Variants in MTDH observed in about 807,000 individuals in gnomAD.
MTDH encodes the protein metadherin, also known as protein LYRIC.
A neutral mutation model predicts 72.7 loss-of-function variants in MTDH; 34 were observed. That is an observed-to-expected ratio of 0.47 (90% CI 0.36 to 0.62). The LOEUF (loss-of-function observed/expected upper bound fraction) is 0.62. Among genes scored for constraint, MTDH ranks in the 20% least tolerant of loss-of-function variants. MTDH has a pLI of 0.00. For missense variants in MTDH, 677 were observed against 699.4 expected (o/e 0.97, Z 0.36); for synonymous variants, 266 against 268.9 (o/e 0.99, Z 0.10).
chr8:97,715,354 T>A (rs1814820555), intron 9 of MTDH, among the ~76,000 whole-genome samples: 1 of 151,886 alleles, frequency 6.6e-6, no homozygotes, highest in Admixed American at 6.6e-5. Context: ...TCTCAAGTGA[T>A]CTGGCCTCGA....
At position 97,662,179 on chromosome 8, in the gene MTDH, C is replaced by T. The variant is rs974897424; in HGVS notation, c.483+1006C>T. On this transcript the variant is annotated intron_variant, in intron 2 of 11. Coordinates refer to ENST00000336273, the MANE Select transcript of MTDH (RefSeq NM_178812.4). ...TTTCATTCAGTTCCCTTTTGTGCAT[C>T]GAATTACCCTCCCTTTCCTTTTTTT... 2.0e-4 allele frequency among the ~76,000 whole-genome samples: 30 copies of T among 150,466 alleles called. 1 individual carries two copies. The highest frequency in any genetic ancestry group is 1.8e-3 in the Admixed American group (27 of 15,056).
At chr8:97,685,198 G>T (rs982838409) in intron 2 of MTDH, among the ~76,000 whole-genome samples, 1 of 151,394 alleles carries the variant, frequency 6.6e-6, no homozygotes, top group African/African-American at 2.4e-5. Context: ...TTTTTTAAGT[G>T]GATATGAGTC....
Position 97,675,294 on chromosome 8 carries a change from C to T in MTDH, c.484-11374C>T, listed in dbSNP as rs574201538. On this transcript the variant is annotated intron_variant, in intron 2 of 11. Transcript: ENST00000336273. ...TTACATTCAGGGCTGAGCACAGTGG[C>T]TCACACCTGTAATCCCAGCACTTTG... 3.9e-5 allele frequency among the ~76,000 whole-genome samples: 6 copies of T among 152,282 alleles called. No homozygotes were observed. The South Asian group carries it at 1.2e-3, about 32-fold the overall frequency.
intron 9 of MTDH, among the ~76,000 whole-genome samples, chr8:97,716,683 T>C (rs997928431): frequency 6.6e-6 from 1 of 151,866 alleles, no homozygotes; most frequent in Non-Finnish European, 1.5e-5. Flanking sequence ...AAAAAAATTA[T>C]ATTGTTTTTT....
At position 97,687,533 on chromosome 8, in the gene MTDH, G is replaced by A; in HGVS notation, c.673G>A (p.Glu225Lys). 1 of 1,613,476 alleles carries A rather than the reference G, an allele frequency of 6.2e-7. No individual in the cohort carries two copies. The highest frequency in any genetic ancestry group is 8.5e-7 in the Non-Finnish European group (1 of 1,179,702). The change falls in exon 4 of 12, where the codon GAA becomes AAA. Residue 225 changes from glutamate to lysine, a missense_variant. Transcript: ENST00000336273. ...GSLDSTIPGI[E>K]NTITVTTEQL... The stretch of plus-strand genomic sequence containing the variant: ...ATTGGATTCAACTATCCCTGGGATA[G>A]AAAATACCATCACAGTTACCACCGA...
At chr8:97,645,972 A>G (rs546276717) in intron 1 of MTDH, among the ~76,000 whole-genome samples, 1 of 152,330 alleles carries the variant, frequency 6.6e-6, no homozygotes, top group African/African-American at 2.4e-5. Flanking sequence ...TTTGGAGGGC[A>G]GTGCAAGGTA....
intron 2 of MTDH, among the ~76,000 whole-genome samples, chr8:97,665,202 G>A (rs998276520): frequency 3.9e-5 from 6 of 152,174 alleles, no homozygotes; most frequent in Admixed American, 3.3e-4. Context: ...GTACTCCTAA[G>A]CTGTGATATT....
chr8:97,692,943 A>G (rs1397030421), intron 6 of MTDH, among the ~76,000 whole-genome samples: 4 of 151,972 alleles, frequency 2.6e-5, no homozygotes, highest in African/African-American at 9.7e-5. Flanking sequence ...TGTTGGCCAC[A>G]CTGGTCTAGA....
At position 97,724,934 on chromosome 8, in the gene MTDH, A is replaced by G. The variant is rs2131096339; in HGVS notation, c.*264A>G. The G allele has an allele frequency of 3.8e-6, 1 of 264,998 alleles. No individual in the cohort carries two copies. The highest frequency in any genetic ancestry group is 2.3e-5 in the African/African-American group (1 of 44,432). The allele number at this position is 264,998 out of a possible 1,614,324, so 16.4% of individuals were successfully genotyped here. A position where few individuals can be genotyped will look rare whatever the true frequency, so the allele number is the denominator to read the frequency against. ...AGAACGATCTTAATTTAAGAATATT[A>G]TCCTGGTTTAACAACAGTGCCCTGT... is the stretch of plus-strand genomic sequence containing the variant. On this transcript the variant is annotated 3_prime_UTR_variant, in exon 12 of 12. Coordinates refer to ENST00000336273, the MANE Select transcript of MTDH (RefSeq NM_178812.4).
chr8:97,696,303 A>G (rs1243720717), intron 6 of MTDH: 1 of 983,786 alleles, frequency 1.0e-6, no homozygotes, highest in African/African-American at 1.7e-5. Context: ...GGTATGTGAA[A>G]AACAGTCTTT....
At position 97,719,041 on chromosome 8, in the gene MTDH, C is replaced by T. The variant is rs554103009; in HGVS notation, c.1381-8C>T. On this transcript the variant is annotated splice_polypyrimidine_tract_variant and splice_region_variant and intron_variant, in intron 9 of 11. Coordinates refer to ENST00000336273, the MANE Select transcript of MTDH (RefSeq NM_178812.4). ...TTATATAATCTAATAGGTTATTTTT[C>T]TCTATAGGACACAGAAGAATTAGAA... The T allele has an allele frequency of 6.3e-5, 100 of 1,579,642 alleles. No homozygotes were observed. In the South Asian group the frequency reaches 1.1e-3, roughly 17 times the overall value.
intron 6 of MTDH, among the ~76,000 whole-genome samples, chr8:97,693,189 C>T (rs1050154092): frequency 2.6e-5 from 4 of 152,094 alleles, no homozygotes; most frequent in Non-Finnish European, 5.9e-5. Context: ...GCCCATTTAT[C>T]ATATGCTTAC....
intron 2 of MTDH, among the ~76,000 whole-genome samples, chr8:97,682,782 G>T (rs1471626989): frequency 6.6e-6 from 1 of 150,774 alleles, no homozygotes; most frequent in African/African-American, 2.4e-5. Context: ...ATACTACTTT[G>T]TCGTTAACAG....
chr8:97,670,989 C>T (rs539024043), intron 2 of MTDH, among the ~76,000 whole-genome samples: 3 of 122,828 alleles, frequency 2.4e-5, no homozygotes, highest in Non-Finnish European at 4.8e-5. Context: ...GACGGAGTCT[C>T]GCTCTGTCGC....
At chr8:97,669,764 A>G (rs1464878842) in intron 2 of MTDH, among the ~76,000 whole-genome samples, 1 of 151,982 alleles carries the variant, frequency 6.6e-6, no homozygotes, top group East Asian at 1.9e-4. Context: ...TGAAAATACA[A>G]AATTAGCTGG....
chr8:97,678,487 A>G (rs1812940257), intron 2 of MTDH, among the ~76,000 whole-genome samples: 2 of 152,204 alleles, frequency 1.3e-5, no homozygotes, highest in South Asian at 2.1e-4. Context: ...TGACTCTATT[A>G]TAGCAAAATA....
rs111617707 is a variant in MTDH, at chr8:97,729,004, C to T, written c.*4334C>T. Among the ~76,000 whole-genome samples, 47 of 151,454 alleles carry T rather than the reference C, an allele frequency of 3.1e-4. No homozygotes were observed. The highest frequency in any genetic ancestry group is 1.0e-3 in the African/African-American group (43 of 41,340). Reference sequence around the variant, plus strand: ...CTGGCTCACTTCAGCCTGGAACTCCCGGGCTCGAGCTATATTCTCCCACTT... The same window carrying T: ...CTGGCTCACTTCAGCCTGGAACTCCTGGGCTCGAGCTATATTCTCCCACTT... On this transcript the variant is annotated 3_prime_UTR_variant, in exon 12 of 12. Transcript: ENST00000336273.
chr8:97,696,877 C>T (rs1214308036), intron 6 of MTDH, among the ~76,000 whole-genome samples: 2 of 151,178 alleles, frequency 1.3e-5, no homozygotes, highest in African/African-American at 2.4e-5. Context: ...CAGCACGTAG[C>T]GAGGCTGAGG....
rs569874945 is a variant in MTDH, at chr8:97,725,543, A to G, written c.*873A>G. 2.6e-5 allele frequency: 4 copies of G among 152,802 alleles called. No individual in the cohort carries two copies. The highest frequency in any genetic ancestry group is 5.9e-5 in the Non-Finnish European group (4 of 68,030). 9.5% of individuals were successfully genotyped at this position (152,802 alleles called of 1,614,324 possible). On this transcript the variant is annotated 3_prime_UTR_variant, in exon 12 of 12. Transcript: ENST00000336273. Reference sequence around the variant, plus strand: ...ATACTTTGTTGACTTTAAAAATGAAATCATTCACAAACTTTTGGTATATGA... The same window carrying G: ...ATACTTTGTTGACTTTAAAAATGAAGTCATTCACAAACTTTTGGTATATGA...
Sources: gnomAD v4.1 joint callset for allele counts (sites outside exome capture counted in the v4.1 genomes callset) on GRCh38, gnomAD v4.1.1 for gene constraint, MANE v1.5 for transcripts, NCBI Gene and HGNC (gene_info 2026-07-23, HGNC 2026-07-21) for gene names.